Variants in COX4I2 observed in about 807,000 individuals in gnomAD.
COX4I2 encodes the protein cytochrome c oxidase subunit 4 isoform 2, mitochondrial.
Under a neutral mutation model 20.8 loss-of-function variants are expected in COX4I2, and 15 were observed. The observed-to-expected ratio is 0.72, with a 90% CI of 0.48 to 1.11. The LOEUF (loss-of-function observed/expected upper bound fraction) is 1.11, where lower values mean the gene tolerates loss of function less well. Ranked by LOEUF, COX4I2 falls within the 50% of genes most tolerant of loss-of-function variation. The pLI is 0.00. For missense variants in COX4I2, 224 were observed against 223.0 expected (o/e 1.00, Z -0.03); for synonymous variants, 80 against 78.1 (o/e 1.02, Z -0.13).
Position 31,644,847 on chromosome 20 carries a change from TC to T in COX4I2, c.461del (p.Pro154LeufsTer27). On this transcript the variant is annotated frameshift_variant, in exon 5 of 5. Transcript: ENST00000376075. LOFTEE classifies it high-confidence loss of function. The part of the protein sequence containing the change: ...LQRMLDMKVN[P>X]VQGLASRWDY... ...AGCGCATGCTGGACATGAAGGTGAA[TC>T]CTGTGCAGGGCCTGGCCTCCCGCTG... 1 of 1,614,002 alleles carries T rather than the reference TC, an allele frequency of 6.2e-7. No individual in the cohort carries two copies. The highest frequency in any genetic ancestry group is 1.1e-5 in the South Asian group (1 of 91,086).
At position 31,643,476 on chromosome 20, in the gene COX4I2, GT is replaced by G. The variant is rs767335391; in HGVS notation, c.322del (p.Cys108ValfsTer12). ...TCCAATGAGTGGAAGACAGTGATGG[GT>G]TGTGTCTTCTTCTTCATTGGATTCG... ...RRSNEWKTVMGCVFFFIGFAA... is the reference protein window; with the variant it reads ...RRSNEWKTVMXCVFFFIGFAA... On this transcript the variant is annotated frameshift_variant, in exon 4 of 5. Transcript: ENST00000376075. LOFTEE classifies it high-confidence loss of function. 1 of 1,614,174 alleles carries G rather than the reference GT, an allele frequency of 6.2e-7. No homozygotes were observed. The highest frequency in any genetic ancestry group is 1.7e-5 in the Admixed American group (1 of 60,008).
At chr20:31,641,233 C>T (rs1051829156) in intron 3 of COX4I2, among the ~76,000 whole-genome samples, 1 of 151,678 alleles carries the variant, frequency 6.6e-6, no homozygotes, top group South Asian at 2.1e-4. Context: ...TGGCACATGC[C>T]TGTCGTCCCA....
In COX4I2 at chr20:31,640,082, G is replaced by A. The variant is rs540773473; in HGVS notation, c.232G>A (p.Ala78Thr). The A allele has an allele frequency of 4.5e-5, 73 of 1,610,988 alleles. 1 individual carries two copies. The South Asian group carries it at 7.1e-4, about 16-fold the overall frequency. Residue 78 changes from alanine to threonine, a missense_variant, in exon 3 of 5, where the codon GCC becomes ACC. Ala to Thr is a moderately conservative substitution (Grantham distance 58). Transcript: ENST00000376075. ...EKGSWTQLTHAEKVALYRLQF... is the reference protein window; with the variant it reads ...EKGSWTQLTHTEKVALYRLQF... ...GGGAAGCTGGACCCAGCTGACCCAC[G>A]CCGAAAAGGTGGCCTGTAAGTGTCA... is the stretch of plus-strand genomic sequence containing the variant.
chr20:31,642,717 G>A (rs554928001), intron 3 of COX4I2, among the ~76,000 whole-genome samples: 3 of 152,068 alleles, frequency 2.0e-5, no homozygotes, highest in African/African-American at 2.4e-5. Context: ...GATTACAGGC[G>A]TGAGCCACTG....
In COX4I2 at chr20:31,644,966, C is replaced by T; in HGVS notation, c.*62C>T. 1.3e-6 allele frequency: 2 copies of T among 1,578,856 alleles called. No individual in the cohort carries two copies. The highest frequency in any genetic ancestry group is 8.6e-7 in the Non-Finnish European group (1 of 1,158,866). On this transcript the variant is annotated 3_prime_UTR_variant, in exon 5 of 5. Coordinates refer to ENST00000376075, the MANE Select transcript of COX4I2 (RefSeq NM_032609.3). ...GGCTGGGAGCCTCTGGCGGCCCCTC[C>T]CCTCCCCTGCCCTTAACCCCAGTAA...
chr20:31,644,642 C>T, intron 4 of COX4I2, 126 bp from the exon 5 acceptor site: 1 of 1,128,378 alleles, frequency 8.9e-7, no homozygotes, highest in Non-Finnish European at 1.3e-6. Flanking sequence ...GTGCAAGATA[C>T]TTCAACCCTG....
chr20:31,642,732 C>T (rs773552994), intron 3 of COX4I2, among the ~76,000 whole-genome samples: 1 of 152,074 alleles, frequency 6.6e-6, no homozygotes, highest in Non-Finnish European at 1.5e-5. Context: ...CCACTGCGCC[C>T]GGACTTACCT....
chr20:31,643,444 C>CCGT lies in COX4I2; in HGVS notation c.291_293dup (p.Arg98dup), dbSNP rs773772715. On this transcript the variant is annotated inframe_insertion, in exon 4 of 5. Transcript: ENST00000376075. ...TCAATGAGACCTTTGCGGAGATGAA[C>CCGT]CGTCGCTCCAATGAGTGGAAGACAG... 1 of 1,614,202 alleles carries CCGT rather than the reference C, an allele frequency of 6.2e-7. No individual in the cohort carries two copies. Among genetic ancestry groups the CCGT allele is most frequent in the African/African-American group, 1.3e-5 (1 of 75,058 alleles).
At chr20:31,638,883 T>G in intron 1 of COX4I2, 135 bp from the exon 2 acceptor site, 28 of 940,760 alleles carry the variant, frequency 3.0e-5, no homozygotes, top group Non-Finnish European at 4.4e-5. Context: ...GTCAAGGGCA[T>G]GAGGGTGACC....
chr20:31,640,023 A>G lies in COX4I2; in HGVS notation c.173A>G (p.Asn58Ser), dbSNP rs1206376957. 1 of 1,613,982 alleles carries G rather than the reference A, an allele frequency of 6.2e-7. No homozygotes were observed. The highest frequency in any genetic ancestry group is 1.7e-5 in the Admixed American group (1 of 60,006). The change falls in exon 3 of 5, where the codon AAC (asparagine) becomes AGC (serine). Residue 58 changes from asparagine (N) to serine (S), a missense_variant. Physicochemically the swap from Asn to Ser is conservative, Grantham distance 46. Coordinates refer to ENST00000376075, the MANE Select transcript of COX4I2 (RefSeq NM_032609.3). ...MPEEPFCTEL[N>S]AEEQALKEKE... ...GAAGAGCCCTTCTGCACAGAACTCA[A>G]CGCTGAGGAGCAGGCCCTGAAGGAG...
intron 3 of COX4I2, among the ~76,000 whole-genome samples, chr20:31,641,038 G>A (rs1181019720): frequency 1.3e-5 from 2 of 151,418 alleles, no homozygotes; most frequent in African/African-American, 4.9e-5. Context: ...GACACTCTTG[G>A]GGGGAGAGGG....
chr20:31,643,039 A>C lies in COX4I2; in HGVS notation c.248-365A>C, dbSNP rs1004673135. ...TTTCACTCCAGCTACAGTGGTCCTC[A>C]CTTCACACTTTCCCTACCCACTTCC... On this transcript the variant is annotated intron_variant, in intron 3 of 4. Transcript: ENST00000376075. Among the ~76,000 whole-genome samples the C allele has an allele frequency of 2.0e-5, 3 of 151,904 alleles. No individual in the cohort carries two copies. The South Asian group carries it at 6.2e-4, about 32-fold the overall frequency.
At chr20:31,641,356 CCT>C (rs1179868923) in intron 3 of COX4I2, among the ~76,000 whole-genome samples, 1 of 145,678 alleles carries the variant, frequency 6.9e-6, no homozygotes, top group Non-Finnish European at 1.5e-5. Context: ...AAAGTGAGAC[CCT>C]GTCTGAAAAA....
Position 31,643,467 on chromosome 20 carries a change from C to A in COX4I2, c.311C>A (p.Thr104Lys), listed in dbSNP as rs555937254. 1.9e-6 allele frequency: 3 copies of A among 1,614,152 alleles called. No homozygotes were observed. Among genetic ancestry groups the A allele is most frequent in the Middle Eastern group, 1.6e-4 (1 of 6,062 alleles). Residue 104 changes from threonine to lysine, a missense_variant, in exon 4 of 5, where the codon ACA becomes AAA. By Grantham distance (78) the Thr-to-Lys change is moderately conservative. Transcript: ENST00000376075. ...EMNRRSNEWK[T>K]VMGCVFFFIG... ...AACCGTCGCTCCAATGAGTGGAAGACAGTGATGGGTTGTGTCTTCTTCTTC... is the reference window on the plus strand; with the variant it reads ...AACCGTCGCTCCAATGAGTGGAAGAAAGTGATGGGTTGTGTCTTCTTCTTC...
chr20:31,640,996 T>C (rs983159377), intron 3 of COX4I2, among the ~76,000 whole-genome samples: 25 of 114,020 alleles, frequency 2.2e-4, no homozygotes, highest in African/African-American at 6.7e-4. Context: ...CACACACACA[T>C]CTTGGTTTTT....
chr20:31,640,604 G>A (rs1375243646), intron 3 of COX4I2, among the ~76,000 whole-genome samples: 1 of 152,130 alleles, frequency 6.6e-6, no homozygotes, highest in Non-Finnish European at 1.5e-5. Context: ...AGAGAGGCAG[G>A]TGAGGCGGTT....
chr20:31,642,975 G>A (rs2060476797), intron 3 of COX4I2, among the ~76,000 whole-genome samples: 1 of 152,170 alleles, frequency 6.6e-6, no homozygotes, highest in African/African-American at 2.4e-5. Flanking sequence ...ATTTGAGAGA[G>A]CCAGCCTCTC....
chr20:31,642,384 T>C (rs904545963), intron 3 of COX4I2, among the ~76,000 whole-genome samples: 6 of 152,096 alleles, frequency 3.9e-5, no homozygotes, highest in African/African-American at 7.2e-5. Context: ...AGATATTTAT[T>C]TTCATATTTA....
intron 3 of COX4I2, 50 bp from the exon 4 acceptor site, chr20:31,643,354 C>T (rs1240750003): frequency 6.2e-7 from 1 of 1,612,234 alleles, no homozygotes. Context: ...GCCGGGATCA[C>T]TTAGAGTGGA....
Sources: gnomAD v4.1 joint callset for allele counts (sites outside exome capture counted in the v4.1 genomes callset) on GRCh38, gnomAD v4.1.1 for gene constraint, MANE v1.5 for transcripts, NCBI Gene and HGNC (gene_info 2026-07-23, HGNC 2026-07-21) for gene names.